PDGFRB: variants seen among roughly 807,000 people sequenced by gnomAD.
PDGFRB encodes platelet derived growth factor receptor beta, also known as platelet-derived growth factor receptor beta.
A neutral mutation model predicts 120.2 loss-of-function variants in PDGFRB; 42 were observed. The observed-to-expected ratio is 0.35, with a 90% CI of 0.27 to 0.45. The LOEUF (loss-of-function observed/expected upper bound fraction) is 0.45. Among genes scored for constraint, PDGFRB ranks in the 20% least tolerant of loss-of-function variants. The pLI is 1.00. For missense variants in PDGFRB, 1,149 were observed against 1,476.3 expected, an observed-to-expected ratio of 0.78 and a Z score of 3.63; for synonymous variants, 586 against 606.8, an observed-to-expected ratio of 0.97 and a Z score of 0.50.
intron 1 of PDGFRB, among the ~76,000 whole-genome samples, chr5:150,141,381 G>C (rs555398334): frequency 4.7e-4 from 72 of 152,352 alleles, no homozygotes; most frequent in Non-Finnish European, 8.5e-4. Flanking sequence ...TGAGCATTTG[G>C]CACGTATTGG....
In PDGFRB at chr5:150,121,683, A is replaced by G. The variant is rs1351175592; in HGVS notation, c.2344+197T>C. 6.6e-6 allele frequency among the ~76,000 whole-genome samples: 1 copy of G among 152,168 alleles called. No homozygotes were observed. The highest frequency in any genetic ancestry group is 2.1e-4 in the South Asian group (1 of 4,820). ...CTCTCCCTCCCTGAGGGTTCTACGC[A>G]TGTTTCCGGATCCATAAACAGGGCT... On this transcript the variant is annotated intron_variant, in intron 16 of 22. Coordinates refer to ENST00000261799, the MANE Select transcript of PDGFRB (RefSeq NM_002609.4). The surrounding 1 kb of genome is among the most constrained non-coding windows in gnomAD (Gnocchi z 4.1).
Position 150,117,608 on chromosome 5 carries a change from G to A in PDGFRB, c.3137+10C>T, listed in dbSNP as rs758314238. 9.2e-6 allele frequency: 14 copies of A among 1,514,006 alleles called. No homozygotes were observed. The East Asian group carries it at 1.4e-4, about 15-fold the overall frequency. The allele number at this position is 1,514,006 out of a possible 1,614,324, so 93.8% of individuals were successfully genotyped here. On this transcript the variant is annotated intron_variant, in intron 22 of 22. Transcript: ENST00000261799. ...GCACAATTTCCTTGGCCCCAGGCCA[G>A]GGTGGTTACCTGGCTAGGCTGGGGG...
rs755109587 is a variant in PDGFRB, at chr5:150,133,940, T to C, written c.700A>G (p.Met234Val). 21 of 1,613,136 alleles carry C rather than the reference T, an allele frequency of 1.3e-5. No individual in the cohort carries two copies. The highest frequency in any genetic ancestry group is 1.7e-5 in the Non-Finnish European group (20 of 1,179,188). ...VVRQGENITL[M>V]CIVIGNEVVN... ...ACCTCATTCCCGATCACAATGCACA[T>C]GAGGGTGATGTTCTCACCCTGGCGG... is the stretch of plus-strand genomic sequence containing the variant. The change falls in exon 5 of 23, where the codon ATG (methionine) becomes GTG (valine). Residue 234 changes from methionine to valine, a missense_variant. Coordinates refer to ENST00000261799, the MANE Select transcript of PDGFRB (RefSeq NM_002609.4).
rs1277911600 is a variant in PDGFRB at position 150,120,266 on chromosome 5, C to T, written c.2587-143G>A. ...CCCTGTGAGGGCCCTGGTCTCTGCG[C>T]AGCACAGTTCCCATGTCCATCCCAG... On this transcript the variant is annotated intron_variant, in intron 18 of 22. Transcript: ENST00000261799. This position sits in a 1 kb window ranked among gnomAD's most constrained non-coding sequence, Gnocchi z 4.3. 3.2e-6 allele frequency: 2 copies of T among 615,828 alleles called. No homozygotes were observed. Among genetic ancestry groups the T allele is most frequent in the East Asian group, 5.5e-5 (2 of 36,358 alleles). 38.1% of individuals were successfully genotyped at this position (615,828 alleles called of 1,614,324 possible). A position where few individuals can be genotyped will look rare whatever the true frequency, so the allele number is the denominator to read the frequency against.
At position 150,147,602 on chromosome 5, in the gene PDGFRB, A is replaced by G. The variant is rs780273322; in HGVS notation, c.-7+7795T>C. On this transcript the variant is annotated intron_variant, in intron 1 of 22. Coordinates refer to ENST00000261799, the MANE Select transcript of PDGFRB (RefSeq NM_002609.4). Reference sequence around the variant, plus strand: ...TAGCTAGCTAATGAGTAAACCCTTCACTTATCAGTGCCAATTACCAAACAT... The same window carrying G: ...TAGCTAGCTAATGAGTAAACCCTTCGCTTATCAGTGCCAATTACCAAACAT... 7.2e-5 allele frequency among the ~76,000 whole-genome samples: 11 copies of G among 152,320 alleles called. No individual in the cohort carries two copies. The Middle Eastern group carries it at 0.014, about 188-fold the overall frequency.
At position 150,120,235 on chromosome 5, in the gene PDGFRB, C is replaced by T; in HGVS notation, c.2587-112G>A. On this transcript the variant is annotated intron_variant, in intron 18 of 22. Coordinates refer to ENST00000261799, the MANE Select transcript of PDGFRB (RefSeq NM_002609.4). The surrounding 1 kb of genome is among the most constrained non-coding windows in gnomAD (Gnocchi z 4.3). ...CTCCCACCCACAACCACTTCTCCGT[C>T]CCATTCCCTGTGAGGGCCCTGGTCT... 2 of 671,042 alleles carry T rather than the reference C, an allele frequency of 3.0e-6. No homozygotes were observed. The highest frequency in any genetic ancestry group is 1.6e-5 in the South Asian group (1 of 61,354). 41.6% of individuals were successfully genotyped at this position (671,042 alleles called of 1,614,324 possible).
Position 150,115,764 on chromosome 5 carries a change from T to C in PDGFRB, c.3320A>G (p.Ter1107TrpextTer46). Residue 1107 changes from the stop codon to tryptophan (W), a stop_lost, in exon 23 of 23, where the codon TAG becomes TGG. Transcript: ENST00000261799. Reference sequence around the variant, plus strand: ...CAGGGCAGGGTAGGGGCCAGCCCCCTACAGGAAGCTATCCTCTGCTTCCGC... The same window carrying C: ...CAGGGCAGGGTAGGGGCCAGCCCCCCACAGGAAGCTATCCTCTGCTTCCGC... The part of the protein sequence containing the change: ...PRAEAEDSFL[*>W] The C allele has an allele frequency of 6.3e-7, 1 of 1,598,258 alleles. No individual in the cohort carries two copies. Among genetic ancestry groups the C allele is most frequent in the Non-Finnish European group, 8.5e-7 (1 of 1,171,606 alleles).
chr5:150,133,500 C>A (rs1466959162), intron 6 of PDGFRB, 86 bp downstream of exon 6: 25 of 1,137,160 alleles, frequency 2.2e-5, no homozygotes, highest in Non-Finnish European at 2.9e-5. Context: ...AAATGCAACT[C>A]TCACCATCAC....
intron 4 of PDGFRB, 193 bp from the exon 5 acceptor site, chr5:150,134,201 A>C: frequency 1.7e-6 from 1 of 602,142 alleles, no homozygotes; most frequent in Non-Finnish European, 3.0e-6. Context: ...GTAGTGAACA[A>C]AGTGGACAAA....
intron 20 of PDGFRB, 74 bp from the exon 21 acceptor site, chr5:150,118,926 G>A: frequency 2.3e-6 from 2 of 860,054 alleles, no homozygotes; most frequent in South Asian, 1.5e-5. Context: ...GGAGCAGGAG[G>A]CTGCTGCCTC....
rs76537636 is a variant in PDGFRB at position 150,117,392 on chromosome 5, C to T, written c.3137+226G>A. Among the ~76,000 whole-genome samples, 3,616 of 152,238 alleles carry T rather than the reference C, an allele frequency of 0.024. 140 individuals are homozygous for T. Among genetic ancestry groups the T allele is most frequent in the African/African-American group, 0.082 (3,405 of 41,530 alleles). On this transcript the variant is annotated intron_variant, in intron 22 of 22. Coordinates refer to ENST00000261799, the MANE Select transcript of PDGFRB (RefSeq NM_002609.4). ...TAGCTACCTTGCAAGTAAGTCCCAG[C>T]CCATACTTTTGTTTTTACTAGCCTG...
intron 1 of PDGFRB, among the ~76,000 whole-genome samples, chr5:150,154,683 C>T (rs976136828): frequency 6.6e-6 from 1 of 152,148 alleles, no homozygotes; most frequent in African/African-American, 2.4e-5. Flanking sequence ...AACGAGGAGG[C>T]CTGAGCAGCT....
rs141374204 is a variant in PDGFRB at position 150,137,058 on chromosome 5, A to G, written c.-6-5T>C. On this transcript the variant is annotated splice_polypyrimidine_tract_variant and splice_region_variant and intron_variant, in intron 1 of 22. Coordinates refer to ENST00000261799, the MANE Select transcript of PDGFRB (RefSeq NM_002609.4). ...ACCCGGAAGCCGCATGGTGTCCTGCAGAGTTAAACAGGAGTCAGGGCCCAG... is the reference window on the plus strand; with the variant it reads ...ACCCGGAAGCCGCATGGTGTCCTGCGGAGTTAAACAGGAGTCAGGGCCCAG... 24 of 1,612,858 alleles carry G rather than the reference A, an allele frequency of 1.5e-5. No homozygotes were observed. The Middle Eastern group carries it at 6.6e-4, about 44-fold the overall frequency.
chr5:150,127,616 A>G (rs1485025921), intron 10 of PDGFRB, among the ~76,000 whole-genome samples: 1 of 152,094 alleles, frequency 6.6e-6, no homozygotes, highest in Non-Finnish European at 1.5e-5. Flanking sequence ...TGGGCGGATC[A>G]CGAGGTCAGG....
In PDGFRB at chr5:150,129,819, AC is replaced by A; in HGVS notation, c.1516del (p.Val506CysfsTer29). On this transcript the variant is annotated frameshift_variant, in exon 10 of 23. Coordinates refer to ENST00000261799, the MANE Select transcript of PDGFRB (RefSeq NM_002609.4). LOFTEE classifies it high-confidence loss of function. ...CACAGCGTTGCGCAGCGTGCAGCGCACCGACAGTGGCCGATCCACGTGCTGC... is the reference window on the plus strand; with the variant it reads ...CACAGCGTTGCGCAGCGTGCAGCGCACGACAGTGGCCGATCCACGTGCTGC... ...RLQHVDRPLS[V>X]RCTLRNAVGQ... 6.2e-7 allele frequency: 1 copy of A among 1,614,070 alleles called. No individual in the cohort carries two copies. Among genetic ancestry groups the A allele is most frequent in the Non-Finnish European group, 8.5e-7 (1 of 1,180,038 alleles).
At chr5:150,133,006 G>T in intron 6 of PDGFRB, 64 bp from the exon 7 acceptor site, 1 of 1,202,828 alleles carries the variant, frequency 8.3e-7, no homozygotes, top group Non-Finnish European at 1.2e-6. Flanking sequence ...TCCCAAAGGA[G>T]GCCAGCCTGT....
At chr5:150,128,838 G>C (rs1333272137) in intron 10 of PDGFRB, among the ~76,000 whole-genome samples, 1 of 152,194 alleles carries the variant, frequency 6.6e-6, no homozygotes, top group Non-Finnish European at 1.5e-5. Context: ...TGGACTATGG[G>C]TACTAGGAGG....
rs542518387 is a variant in PDGFRB, at chr5:150,155,636, C to G, written c.-246G>C. 63 of 398,772 alleles carry G rather than the reference C, an allele frequency of 1.6e-4. No homozygotes were observed. Among genetic ancestry groups the G allele is most frequent in the African/African-American group, 1.3e-3 (61 of 48,764 alleles). 24.7% of individuals were successfully genotyped at this position (398,772 alleles called of 1,614,324 possible). A position where few individuals can be genotyped will look rare whatever the true frequency, so the allele number is the denominator to read the frequency against. ...GGAGCGGCCCAGCTTCGCCTCACTC[C>G]CCAAGCATCCTTCGGGAGGAGCAGA... is the stretch of plus-strand genomic sequence containing the variant. On this transcript the variant is annotated 5_prime_UTR_variant, in exon 1 of 23. Coordinates refer to ENST00000261799, the MANE Select transcript of PDGFRB (RefSeq NM_002609.4).
At chr5:150,124,524 AG>A in intron 13 of PDGFRB, 164 bp from the exon 14 acceptor site, 1 of 630,844 alleles carries the variant, frequency 1.6e-6, no homozygotes, top group African/African-American at 1.8e-5. Context: ...AGGCCAGGGT[AG>A]GGGGAAGCAG....
Sources: gnomAD v4.1 joint callset for allele counts (sites outside exome capture counted in the v4.1 genomes callset) on GRCh38, gnomAD v4.1.1 for gene constraint, Gnocchi (gnomAD v3.1) non-coding constraint, MANE v1.5 for transcripts, NCBI Gene and HGNC (gene_info 2026-07-23, HGNC 2026-07-21) for gene names.